GNG7: variants seen among roughly 807,000 people sequenced by gnomAD.
The protein encoded by GNG7 is G protein subunit gamma 7.
A neutral mutation model predicts 4.0 loss-of-function variants in GNG7; 1 was observed. That is an observed-to-expected ratio of 0.25 (90% CI 0.09 to 1.18). GNG7 has a LOEUF of 1.18. Ranked by LOEUF, GNG7 falls within the 50% of genes most tolerant of loss-of-function variation. The probability of loss-of-function intolerance (pLI) is 0.50; values close to 1 mark genes in which losing one functional copy is unlikely to be tolerated. For missense variants in GNG7, 86 were observed against 91.9 expected, an observed-to-expected ratio of 0.94 and a Z score of 0.26; for synonymous variants, 34 against 36.9, an observed-to-expected ratio of 0.92 and a Z score of 0.29.
chr19:2,614,542 T>C lies in GNG7; in HGVS notation c.-78+31682A>G, dbSNP rs117832374. Among the ~76,000 whole-genome samples the C allele has an allele frequency of 8.1e-4, 124 of 152,198 alleles. 2 individuals are homozygous for C. In the East Asian group the frequency reaches 0.022, roughly 27 times the overall value. ...ATTTCATAGAAATAGGATGACACAC[T>C]GTGTGGCCTTTTGGATCTGGCATCT... On this transcript the variant is annotated intron_variant, in intron 2 of 4. Transcript: ENST00000382159. The surrounding 1 kb of genome is among the most constrained non-coding windows in gnomAD (Gnocchi z 6.0).
intron 2 of GNG7, chr19:2,642,033 T>C (rs953640014): frequency 8.5e-5 from 13 of 153,736 alleles, no homozygotes; most frequent in African/African-American, 1.9e-4. Flanking sequence ...TCTACATCAG[T>C]AGTCACTTGT....
In GNG7 at chr19:2,513,531, A is replaced by T; in HGVS notation, c.*1491T>A. The T allele has an allele frequency of 1.0e-6, 1 of 985,562 alleles. No homozygotes were observed. Among genetic ancestry groups the T allele is most frequent in the Non-Finnish European group, 1.2e-6 (1 of 830,044 alleles). 61.1% of individuals were successfully genotyped at this position (985,562 alleles called of 1,614,324 possible). ...TCAGAAGCCTCCCCCCGACCCCATG[A>T]CATCTTCGATTTCCACTTGCCGCTG... On this transcript the variant is annotated 3_prime_UTR_variant, in exon 5 of 5. Transcript: ENST00000382159.
intron 2 of GNG7, among the ~76,000 whole-genome samples, chr19:2,605,702 C>T (rs9676651): frequency 0.82 from 122,903 of 150,544 alleles, 50,730 homozygotes; most frequent in African/African-American, 0.93. Flanking sequence ...TTAGTAGAGA[C>T]GGGGTTTCAC....
At chr19:2,559,357 T>A (rs1979666166) in intron 2 of GNG7, among the ~76,000 whole-genome samples, 1 of 150,880 alleles carries the variant, frequency 6.6e-6, no homozygotes, top group African/African-American at 2.4e-5. Context: ...GTGTCTTTTT[T>A]TTTTTTTTTT....
At position 2,687,061 on chromosome 19, in the gene GNG7, CT is replaced by C. The variant is rs762806942; in HGVS notation, c.-135+15584del. On this transcript the variant is annotated intron_variant, in intron 1 of 4. Transcript: ENST00000382159. ...GCCACCGCGCCTGGCCACTTTTTTT[CT>C]TTTTTTTTTTTTTGAGACAAGGTCT... Among the ~76,000 whole-genome samples the C allele has an allele frequency of 7.0e-3, 965 of 137,306 alleles. 3 individuals carry two copies. The highest frequency in any genetic ancestry group is 0.018 in the East Asian group (81 of 4,596). The allele number at this position is 137,306 out of a possible 152,430, so 90.1% of individuals were successfully genotyped here. A position where few individuals can be genotyped will look rare whatever the true frequency, so the allele number is the denominator to read the frequency against.
intron 3 of GNG7, among the ~76,000 whole-genome samples, chr19:2,532,164 A>ACG (rs61113817): frequency 1.3e-5 from 1 of 79,214 alleles, no homozygotes; most frequent in Non-Finnish European, 2.9e-5. Flanking sequence ...AAAAAAAACA[A>ACG]AAAAAAAAAC....
chr19:2,515,775 C>G (rs866590032), intron 4 of GNG7, among the ~76,000 whole-genome samples: 1 of 151,950 alleles, frequency 6.6e-6, no homozygotes, highest in African/African-American at 2.4e-5. Context: ...TCCACAGAGA[C>G]AGGAAGGGGA....
At chr19:2,540,135 C>T (rs556796683) in intron 3 of GNG7, among the ~76,000 whole-genome samples, 35 of 138,226 alleles carry the variant, frequency 2.5e-4, no homozygotes, top group Non-Finnish European at 3.8e-4. Context: ...TCCTTCCTTC[C>T]GTCTCTCTCT....
chr19:2,527,648 G>A (rs537134176), intron 3 of GNG7, among the ~76,000 whole-genome samples: 1 of 152,322 alleles, frequency 6.6e-6, no homozygotes, highest in East Asian at 1.9e-4. Context: ...ATCTACACCG[G>A]GAAGTTTAAC....
At chr19:2,568,807 T>TAC (rs201015197) in intron 2 of GNG7, among the ~76,000 whole-genome samples, 4 of 151,250 alleles carry the variant, frequency 2.6e-5, no homozygotes, top group Non-Finnish European at 5.9e-5. Context: ...CGCACATATA[T>TAC]ACACACACAT....
At chr19:2,550,415 G>A (rs1024339548) in intron 3 of GNG7, among the ~76,000 whole-genome samples, 37 of 152,064 alleles carry the variant, frequency 2.4e-4, no homozygotes, top group African/African-American at 8.5e-4. Flanking sequence ...TGGTAGAGTC[G>A]CGGTTTCACC....
intron 2 of GNG7, among the ~76,000 whole-genome samples, chr19:2,635,586 A>ATT (rs35015157): frequency 0.42 from 61,202 of 145,326 alleles, 13,255 homozygotes; most frequent in South Asian, 0.6. Context: ...ACTTGGGGTG[A>ATT]TTTTTTTTTT....
intron 4 of GNG7, among the ~76,000 whole-genome samples, chr19:2,516,776 C>T (rs1261734036): frequency 6.6e-6 from 1 of 152,226 alleles, no homozygotes; most frequent in East Asian, 1.9e-4. Context: ...CCATGTTTCT[C>T]TTGCAGCCTG....
Position 2,590,407 on chromosome 19 carries a change from G to A in GNG7, c.-77-35219C>T, listed in dbSNP as rs115325898. Among the ~76,000 whole-genome samples the A allele has an allele frequency of 4.0e-3, 610 of 151,574 alleles. 3 individuals carry two copies. The highest frequency in any genetic ancestry group is 0.014 in the African/African-American group (583 of 41,340). On this transcript the variant is annotated intron_variant, in intron 2 of 4. Transcript: ENST00000382159. ...TGAATTATATCTTGATAAAGCTGTC[G>A]TCTATATCTATGTCTCTATATCTAT... is the stretch of plus-strand genomic sequence containing the variant.
rs61236677 is a variant in GNG7 at position 2,557,025 on chromosome 19, GCACACA to G, written c.-77-1843_-77-1838del. Among the ~76,000 whole-genome samples the G allele has an allele frequency of 3.5e-4, 53 of 150,724 alleles. No homozygotes were observed. The highest frequency in any genetic ancestry group is 1.2e-3 in the African/African-American group (51 of 40,802). On this transcript the variant is annotated intron_variant, in intron 2 of 4. Coordinates refer to ENST00000382159, the MANE Select transcript of GNG7 (RefSeq NM_052847.3). The surrounding 1 kb of genome is among the most constrained non-coding windows in gnomAD (Gnocchi z 5.1). ...CCCTCCCACCTCTACACACACACAC[GCACACA>G]CAGACACACGCACACTCACACACAT...
At chr19:2,582,197 C>T (rs185814345) in intron 2 of GNG7, among the ~76,000 whole-genome samples, 166 of 152,248 alleles carry the variant, frequency 1.1e-3, no homozygotes, top group African/African-American at 3.7e-3. Flanking sequence ...CAGCCCTATA[C>T]TTAATATTGC....
At chr19:2,603,255 C>G (rs1267660593) in intron 2 of GNG7, among the ~76,000 whole-genome samples, 1 of 152,082 alleles carries the variant, frequency 6.6e-6, no homozygotes, top group African/African-American at 2.4e-5. Context: ...TTAGTAGAGA[C>G]GGGGTTTCAC....
chr19:2,588,638 T>C (rs980598393), intron 2 of GNG7, among the ~76,000 whole-genome samples: 2 of 152,222 alleles, frequency 1.3e-5, no homozygotes, highest in Admixed American at 6.5e-5. Flanking sequence ...AACCGCCTGC[T>C]GACGCATCTA....
intron 1 of GNG7, among the ~76,000 whole-genome samples, chr19:2,667,558 C>A (rs753997489): frequency 1.3e-5 from 2 of 152,148 alleles, no homozygotes; most frequent in Non-Finnish European, 2.9e-5. Context: ...GCAGGAGGAT[C>A]ACTTCAGGCC....
Sources: gnomAD v4.1 joint callset for allele counts (sites outside exome capture counted in the v4.1 genomes callset) on GRCh38, gnomAD v4.1.1 for gene constraint, Gnocchi (gnomAD v3.1) non-coding constraint, MANE v1.5 for transcripts, NCBI Gene and HGNC (gene_info 2026-07-23, HGNC 2026-07-21) for gene names.